RUNX1: variants seen among roughly 807,000 people sequenced by gnomAD.
The protein encoded by RUNX1 is runt-related transcription factor 1.
A neutral mutation model predicts 42.8 loss-of-function variants in RUNX1; 19 were observed. That is an observed-to-expected ratio of 0.44 (90% CI 0.31 to 0.65). The LOEUF (loss-of-function observed/expected upper bound fraction) is 0.65, where lower values mean the gene tolerates loss of function less well. Among genes scored for constraint, RUNX1 ranks in the 30% least tolerant of loss-of-function variants. RUNX1 has a pLI of 0.07. For synonymous variants in RUNX1, 271 were observed against 289.4 expected (o/e 0.94, Z 0.64); for missense variants, 528 against 672.0 (o/e 0.79, Z 2.37).
intron 2 of RUNX1, among the ~76,000 whole-genome samples, chr21:34,931,606 G>A (rs1419143487): frequency 8.3e-6 from 1 of 120,562 alleles, no homozygotes; most frequent in African/African-American, 5.1e-5. Context: ...TTTATCTGAT[G>A]AGATGACTAG....
chr21:34,815,104 A>G lies in RUNX1; in HGVS notation c.806-15642T>C, dbSNP rs139905321. On this transcript the variant is annotated intron_variant, in intron 7 of 8. Transcript: ENST00000675419. ...AATTAAAAAGCAAACCAGTCTCAAC[A>G]GCACCTCTGAATTACCTTCCCCTTG... is the stretch of plus-strand genomic sequence containing the variant. Among the ~76,000 whole-genome samples, 4 of 152,328 alleles carry G rather than the reference A, an allele frequency of 2.6e-5. No individual in the cohort carries two copies. In the East Asian group the frequency reaches 7.7e-4, roughly 29 times the overall value.
chr21:34,837,704 T>C (rs777980038), intron 6 of RUNX1, among the ~76,000 whole-genome samples: 1 of 152,202 alleles, frequency 6.6e-6, no homozygotes, highest in African/African-American at 2.4e-5. Context: ...AATTCGACCC[T>C]GGGTCAAGCC....
intron 7 of RUNX1, among the ~76,000 whole-genome samples, chr21:34,831,743 C>G (rs529627710): frequency 1.7e-4 from 26 of 152,294 alleles, no homozygotes; most frequent in African/African-American, 5.8e-4. Flanking sequence ...AATTTCAGGG[C>G]TGAGCCTGGA....
In RUNX1 at chr21:34,843,278, TCACA is replaced by T. The variant is rs374115971; in HGVS notation, c.614-8681_614-8678del. The stretch of plus-strand genomic sequence containing the variant: ...ATACACACAGACACATGTACATACG[TCACA>T]CAGACACATATATTAAGACATGCAC... On this transcript the variant is annotated intron_variant, in intron 6 of 8. Coordinates refer to ENST00000675419, the MANE Select transcript of RUNX1 (RefSeq NM_001754.5). The surrounding 1 kb of genome is among the most constrained non-coding windows in gnomAD (Gnocchi z 4.8). Among the ~76,000 whole-genome samples, 347 of 151,516 alleles carry T rather than the reference TCACA, an allele frequency of 2.3e-3. 3 individuals carry two copies. The highest frequency in any genetic ancestry group is 8.1e-3 in the African/African-American group (334 of 41,264).
chr21:34,844,000 C>T lies in RUNX1; in HGVS notation c.614-9399G>A, dbSNP rs574580963. Among the ~76,000 whole-genome samples, 1 of 152,200 alleles carries T rather than the reference C, an allele frequency of 6.6e-6. No individual in the cohort carries two copies. The highest frequency in any genetic ancestry group is 1.5e-5 in the Non-Finnish European group (1 of 67,998). On this transcript the variant is annotated intron_variant, in intron 6 of 8. Transcript: ENST00000675419. The surrounding 1 kb of genome is among the most constrained non-coding windows in gnomAD (Gnocchi z 4.8). ...TTCTTAAGAAGGGTGCAGACAGCTC[C>T]CAAATTCAAGGTTTTTCTTCTTCTA...
intron 2 of RUNX1, among the ~76,000 whole-genome samples, chr21:35,037,117 A>G (rs1248372095): frequency 6.6e-6 from 1 of 152,174 alleles, no homozygotes; most frequent in Non-Finnish European, 1.5e-5. Context: ...GTGTCGCCTT[A>G]AGTTTGTCAC....
Position 34,909,581 on chromosome 21 carries a change from T to C in RUNX1, c.59-16618A>G, listed in dbSNP as rs959562337. On this transcript the variant is annotated intron_variant, in intron 2 of 8. Coordinates refer to ENST00000675419, the MANE Select transcript of RUNX1 (RefSeq NM_001754.5). ...CACTTTCTTATACAGACCAGGTCAC[T>C]GTTCCTCAAAAAAAAAAAAAAAAAA... is the stretch of plus-strand genomic sequence containing the variant. 1.6e-3 allele frequency among the ~76,000 whole-genome samples: 146 copies of C among 93,530 alleles called. 1 individual carries two copies. The highest frequency in any genetic ancestry group is 1.6e-3 in the African/African-American group (17 of 10,782). The allele number at this position is 93,530 out of a possible 152,430, so 61.4% of individuals were successfully genotyped here.
rs2145908772 is a variant in RUNX1 at position 34,799,382 on chromosome 21, C to T, written c.886G>A (p.Val296Met). Residue 296 changes from valine to methionine, a missense_variant, in exon 8 of 9, where the codon GTG becomes ATG. Coordinates refer to ENST00000675419, the MANE Select transcript of RUNX1 (RefSeq NM_001754.5). ...GGTGAAATGGGCGTTGCTGGGTGCA[C>T]AGAAGGAGAGGCAATGGATCCCAGG... ...QYLGSIASPSVHPATPISPGR... is the reference protein window; with the variant it reads ...QYLGSIASPSMHPATPISPGR... 1 of 1,614,164 alleles carries T rather than the reference C, an allele frequency of 6.2e-7. No individual in the cohort carries two copies. The highest frequency in any genetic ancestry group is 8.5e-7 in the Non-Finnish European group (1 of 1,180,014).
chr21:34,920,601 G>A (rs1244421804), intron 2 of RUNX1, among the ~76,000 whole-genome samples: 1 of 152,124 alleles, frequency 6.6e-6, no homozygotes, highest in Non-Finnish European at 1.5e-5. Context: ...CTTTTAGATT[G>A]TTAAGGAACT....
chr21:34,957,930 C>T (rs1014261755), intron 2 of RUNX1, among the ~76,000 whole-genome samples: 4 of 152,142 alleles, frequency 2.6e-5, no homozygotes, highest in Non-Finnish European at 4.4e-5. Context: ...CCCTTTTGCC[C>T]GTCAGGCCAC....
intron 2 of RUNX1, among the ~76,000 whole-genome samples, chr21:34,996,871 C>A (rs919925331): frequency 6.6e-6 from 1 of 152,132 alleles, no homozygotes; most frequent in Non-Finnish European, 1.5e-5. Context: ...CCCCTACTCC[C>A]AAACATAAGA....
At chr21:34,883,961 A>C (rs1202629753) in intron 4 of RUNX1, among the ~76,000 whole-genome samples, 1 of 152,196 alleles carries the variant, frequency 6.6e-6, no homozygotes, top group African/African-American at 2.4e-5. Context: ...CTTTTTATGA[A>C]AAGAATATTA....
intron 2 of RUNX1, among the ~76,000 whole-genome samples, chr21:34,914,294 G>A (rs1381238285): frequency 6.6e-6 from 1 of 152,186 alleles, no homozygotes; most frequent in Non-Finnish European, 1.5e-5. Flanking sequence ...CACTATTAAT[G>A]GGGACGTTAA....
intron 7 of RUNX1, among the ~76,000 whole-genome samples, chr21:34,823,815 A>G (rs1393036125): frequency 6.6e-6 from 1 of 152,152 alleles, no homozygotes; most frequent in Admixed American, 6.5e-5. Context: ...ACAGGTCAGA[A>G]TCGCCATCTC....
At chr21:34,969,090 C>T (rs2058741414) in intron 2 of RUNX1, among the ~76,000 whole-genome samples, 1 of 152,162 alleles carries the variant, frequency 6.6e-6, no homozygotes, top group Non-Finnish European at 1.5e-5. Context: ...CTCTTGCGCC[C>T]TTTGAAGTAC....
chr21:34,813,617 G>T (rs1601376715), intron 7 of RUNX1, among the ~76,000 whole-genome samples: 1 of 152,074 alleles, frequency 6.6e-6, no homozygotes, highest in African/African-American at 2.4e-5. Flanking sequence ...TGAGCCCTGG[G>T]TGAGCTGCAG....
chr21:34,953,175 G>A (rs1569122064), intron 2 of RUNX1, among the ~76,000 whole-genome samples: 2 of 151,408 alleles, frequency 1.3e-5, no homozygotes, highest in Admixed American at 6.6e-5. Flanking sequence ...ATGCGTCTAC[G>A]TGAACTTAAT....
chr21:35,049,198 G>T lies in RUNX1; in HGVS notation c.-90C>A, dbSNP rs907238277. 30 of 424,968 alleles carry T rather than the reference G, an allele frequency of 7.1e-5. No individual in the cohort carries two copies. Among genetic ancestry groups the T allele is most frequent in the African/African-American group, 5.8e-4 (29 of 49,794 alleles). 26.3% of individuals were successfully genotyped at this position (424,968 alleles called of 1,614,324 possible). A position where few individuals can be genotyped will look rare whatever the true frequency, so the allele number is the denominator to read the frequency against. ...TGCGAAACCCTGTGGTTTGCATTCA[G>T]TGTGATTCGTCCTGCCTGCTGACCA... On this transcript the variant is annotated 5_prime_UTR_variant, in exon 1 of 9. In the 5' UTR this introduces an upstream ATG that the reference lacks. Coordinates refer to ENST00000675419, the MANE Select transcript of RUNX1 (RefSeq NM_001754.5).
intron 3 of RUNX1, chr21:34,887,868 CTG>C (rs1193603249): frequency 3.8e-6 from 4 of 1,064,938 alleles, no homozygotes; most frequent in Non-Finnish European, 4.5e-6. Context: ...GTCATGTTCT[CTG>C]TTCTCTCAAT....
Sources: gnomAD v4.1 joint callset for allele counts (sites outside exome capture counted in the v4.1 genomes callset) on GRCh38, gnomAD v4.1.1 for gene constraint, Gnocchi (gnomAD v3.1) non-coding constraint, MANE v1.5 for transcripts, NCBI Gene and HGNC (gene_info 2026-07-23, HGNC 2026-07-21) for gene names.